The following EPB41L4B variants were observed in gnomAD, a reference collection of about 807,000 sequenced individuals.
EPB41L4B encodes the protein band 4.1-like protein 4B.
Under a neutral mutation model 112.5 loss-of-function variants are expected in EPB41L4B, and 30 were observed. The observed-to-expected ratio is 0.27, with a 90% CI of 0.20 to 0.36. EPB41L4B has a LOEUF of 0.36. Among genes scored for constraint, EPB41L4B ranks in the 10% least tolerant of loss-of-function variants. The pLI is 1.00. For synonymous variants in EPB41L4B, 408 were observed against 439.7 expected, an observed-to-expected ratio of 0.93 and a Z score of 0.90; for missense variants, 1,024 against 1,133.3, an observed-to-expected ratio of 0.90 and a Z score of 1.38.
intron 1 of EPB41L4B, among the ~76,000 whole-genome samples, chr9:109,311,408 C>T (rs747500302): frequency 4.6e-5 from 7 of 152,108 alleles, no homozygotes; most frequent in South Asian, 2.1e-4. Flanking sequence ...TGCAGGCACC[C>T]GCTGAACCAG....
In EPB41L4B at chr9:109,255,523, C is replaced by T. The variant is rs779515974; in HGVS notation, c.1157G>A (p.Arg386His). 9.9e-6 allele frequency: 16 copies of T among 1,614,056 alleles called. No individual in the cohort carries two copies. Among genetic ancestry groups the T allele is most frequent in the South Asian group, 4.4e-5 (4 of 91,082 alleles). ...AATGGCTCCCTACCTGAATCTGAAGCGAGAGCCCAGCCTGATAAAGTCGGA... is the reference window on the plus strand; with the variant it reads ...AATGGCTCCCTACCTGAATCTGAAGTGAGAGCCCAGCCTGATAAAGTCGGA... The part of the protein sequence containing the change: ...NRSDFIRLGS[R>H]FRFSGRTEYQ... Residue 386 changes from arginine to histidine, a missense_variant, in exon 11 of 26, where the codon CGC becomes CAC. Physicochemically the swap from Arg to His is conservative, Grantham distance 29. Coordinates refer to ENST00000374566, the MANE Select transcript of EPB41L4B (RefSeq NM_019114.5).
intron 1 of EPB41L4B, among the ~76,000 whole-genome samples, chr9:109,303,659 T>C (rs1205863716): frequency 7.9e-5 from 12 of 151,938 alleles, no homozygotes; most frequent in East Asian, 2.0e-4. Context: ...GGCTGGGTTT[T>C]TTTTCTTTTC....
intron 2 of EPB41L4B, among the ~76,000 whole-genome samples, chr9:109,273,772 A>G (rs919912261): frequency 2.0e-5 from 3 of 152,150 alleles, no homozygotes; most frequent in Non-Finnish European, 2.9e-5. Flanking sequence ...ACTGAACCCA[A>G]TGGGTGGAAG....
intron 1 of EPB41L4B, among the ~76,000 whole-genome samples, chr9:109,281,379 C>A (rs1376672689): frequency 1.3e-5 from 2 of 152,108 alleles, no homozygotes; most frequent in Non-Finnish European, 2.9e-5. Flanking sequence ...AAATTACAAT[C>A]AAATACTATG....
intron 15 of EPB41L4B, among the ~76,000 whole-genome samples, chr9:109,231,120 T>C (rs186151994): frequency 1.6e-4 from 24 of 150,184 alleles, no homozygotes; most frequent in African/African-American, 5.7e-4. Context: ...GATTGTGCCA[T>C]TGCACTCCAG....
At chr9:109,221,005 T>C (rs1350816979) in intron 15 of EPB41L4B, among the ~76,000 whole-genome samples, 3 of 152,188 alleles carry the variant, frequency 2.0e-5, no homozygotes, top group Non-Finnish European at 4.4e-5. Context: ...GCAGTCACTC[T>C]GAGCCTCCAT....
chr9:109,262,969 C>A, intron 6 of EPB41L4B, 81 bp downstream of exon 6: 1 of 970,318 alleles, frequency 1.0e-6, no homozygotes, highest in South Asian at 1.5e-5. Flanking sequence ...AAGCACTGGG[C>A]CTGGTATACT....
rs1177437554 is a variant in EPB41L4B, at chr9:109,174,495, C to T, written c.*59G>A. 2.0e-5 allele frequency: 30 copies of T among 1,506,116 alleles called. No homozygotes were observed. In the East Asian group the frequency reaches 2.0e-4, roughly 10 times the overall value. The allele number at this position is 1,506,116 out of a possible 1,614,324, so 93.3% of individuals were successfully genotyped here. On this transcript the variant is annotated 3_prime_UTR_variant, in exon 26 of 26. Transcript: ENST00000374566. ...TGTGCTAGAGTGAGCACACAAAGCCCGAAGAAAGAAGACGGACAGAAGGCA... is the reference window on the plus strand; with the variant it reads ...TGTGCTAGAGTGAGCACACAAAGCCTGAAGAAAGAAGACGGACAGAAGGCA...
chr9:109,178,752 T>C (rs1200752873), intron 24 of EPB41L4B, among the ~76,000 whole-genome samples: 2 of 151,872 alleles, frequency 1.3e-5, no homozygotes, highest in South Asian at 2.1e-4. Context: ...TTTGATGCCA[T>C]TTTTTATTCT....
At chr9:109,222,843 T>C (rs1833632974) in intron 15 of EPB41L4B, among the ~76,000 whole-genome samples, 1 of 152,170 alleles carries the variant, frequency 6.6e-6, no homozygotes, top group African/African-American at 2.4e-5. Flanking sequence ...CCTTAGACAC[T>C]GGGGCTTAGT....
intron 7 of EPB41L4B, 35 bp downstream of exon 7, chr9:109,258,142 A>ATACATCAGAATGCTAGACGGT (rs1473930376): frequency 6.3e-7 from 1 of 1,593,232 alleles, no homozygotes; most frequent in Non-Finnish European, 8.6e-7. Context: ...GACAAAATAG[A>ATACATCAGAATGCTAGACGGT]TACATCAGAA....
intron 1 of EPB41L4B, among the ~76,000 whole-genome samples, chr9:109,293,858 G>C (rs755328943): frequency 1.3e-5 from 2 of 152,118 alleles, no homozygotes; most frequent in Non-Finnish European, 2.9e-5. Flanking sequence ...TTGAAAAGAG[G>C]AGAAGGGGAT....
In EPB41L4B at chr9:109,188,689, A is replaced by G. The variant is rs1022778753; in HGVS notation, c.2302-3084T>C. On this transcript the variant is annotated intron_variant, in intron 22 of 25. Transcript: ENST00000374566. ...CACCAGATGGAAACTCCCTTCTAAC[A>G]CCTAACCCAGGGCCTGTTCCAATGC... 3.9e-5 allele frequency among the ~76,000 whole-genome samples: 6 copies of G among 152,094 alleles called. No individual in the cohort carries two copies. The South Asian group carries it at 6.2e-4, about 16-fold the overall frequency.
chr9:109,235,134 C>T (rs1834094267), intron 15 of EPB41L4B, among the ~76,000 whole-genome samples: 2 of 152,188 alleles, frequency 1.3e-5, no homozygotes, highest in Admixed American at 1.3e-4. Flanking sequence ...AAGCATTGTC[C>T]ACATTCTGCC....
chr9:109,233,291 T>C (rs1025921419), intron 15 of EPB41L4B, among the ~76,000 whole-genome samples: 1 of 152,144 alleles, frequency 6.6e-6, no homozygotes, highest in Non-Finnish European at 1.5e-5. Context: ...AAACTTTAAT[T>C]GTAACTAGAA....
chr9:109,233,592 G>GTGA (rs1834029759), intron 15 of EPB41L4B, among the ~76,000 whole-genome samples: 1 of 148,206 alleles, frequency 6.7e-6, no homozygotes, highest in African/African-American at 2.5e-5. Context: ...GTGCAGTGGT[G>GTGA]TGATTTTGGC....
intron 2 of EPB41L4B, among the ~76,000 whole-genome samples, chr9:109,268,806 A>G (rs908419969): frequency 3.4e-5 from 5 of 149,012 alleles, no homozygotes; most frequent in Non-Finnish European, 5.9e-5. Context: ...CTGAGGCAGG[A>G]GAATGGCGTG....
intron 16 of EPB41L4B, among the ~76,000 whole-genome samples, chr9:109,216,535 G>C (rs1476934828): frequency 6.6e-6 from 1 of 151,832 alleles, no homozygotes; most frequent in Non-Finnish European, 1.5e-5. Context: ...CAGCTACTCG[G>C]GAGGCTGAGG....
intron 24 of EPB41L4B, among the ~76,000 whole-genome samples, chr9:109,179,812 A>C (rs1208193896): frequency 6.6e-6 from 1 of 152,126 alleles, no homozygotes. Flanking sequence ...CTCCACCAGC[A>C]AAACCACTGT....
Sources: gnomAD v4.1 joint callset for allele counts (sites outside exome capture counted in the v4.1 genomes callset) on GRCh38, gnomAD v4.1.1 for gene constraint, MANE v1.5 for transcripts, NCBI Gene and HGNC (gene_info 2026-07-23, HGNC 2026-07-21) for gene names.